DMD: variants seen among roughly 807,000 people sequenced by gnomAD.
DMD encodes the protein mutant dystrophin.
In DMD, 63 loss-of-function variants were observed where a neutral mutation model predicts 330.1. The observed-to-expected ratio is 0.19, with a 90% CI of 0.16 to 0.24. DMD has a LOEUF of 0.24. Among genes scored for constraint, DMD ranks in the 10% least tolerant of loss-of-function variants. The pLI is 1.00. For synonymous variants in DMD, 1,223 were observed against 959.8 expected, an observed-to-expected ratio of 1.27 and a Z score of -5.07; for missense variants, 3,344 against 2,684.1, an observed-to-expected ratio of 1.25 and a Z score of -5.43.
At chrX:33,309,399 A>G (rs748121218) in intron 1 of DMD, among the ~76,000 whole-genome samples, 70 of 111,154 alleles carry the variant, frequency 6.3e-4, no homozygotes, top group African/African-American at 2.2e-3. Context: ...AATTGAGTAT[A>G]TGGTTTAAGT....
At chrX:32,515,257 A>G (rs965110523) in intron 18 of DMD, among the ~76,000 whole-genome samples, 3 of 111,714 alleles carry the variant, frequency 2.7e-5, no homozygotes, top group Admixed American at 9.5e-5. Flanking sequence ...AAAGTGCAAT[A>G]GAGCAGAGAG....
rs745713798 is a variant in DMD, at chrX:31,919,121, C to G, written c.6912+10475G>C. Among the ~76,000 whole-genome samples, 8 of 111,321 alleles carry G rather than the reference C, an allele frequency of 7.2e-5. No homozygotes were observed. In the East Asian group the frequency reaches 2.3e-3, roughly 31 times the overall value. On this transcript the variant is annotated intron_variant, in intron 47 of 78. Coordinates refer to ENST00000357033, the MANE Select transcript of DMD (RefSeq NM_004006.3). ...TATTAATTTTTTTCTCTTCCTTAAC[C>G]AGCAGCTCAGTGATTCTAACATCAC... is the stretch of plus-strand genomic sequence containing the variant.
chrX:32,821,732 T>G, intron 5 of DMD, among the ~76,000 whole-genome samples: 1 of 111,960 alleles, frequency 8.9e-6, no homozygotes, highest in Non-Finnish European at 1.9e-5. Context: ...TGTATTATAT[T>G]GATATAAAAT....
In DMD at chrX:31,146,281, G is replaced by T. The variant is rs1236336592; in HGVS notation, c.10921+10C>A. 8.3e-7 allele frequency: 1 copy of T among 1,209,978 alleles called. No homozygotes were observed. The highest frequency in any genetic ancestry group is 1.1e-6 in the Non-Finnish European group (1 of 894,453). ...AGACAACAAAATCTGAGAGTAGCTA[G>T]GACACTTACCCATGGAGTCCGAAGT... On this transcript the variant is annotated intron_variant, in intron 76 of 78. Transcript: ENST00000357033.
At chrX:32,092,272 C>T (rs1361037831) in intron 44 of DMD, among the ~76,000 whole-genome samples, 1 of 111,936 alleles carries the variant, frequency 8.9e-6, no homozygotes, top group Non-Finnish European at 1.9e-5. Flanking sequence ...CACCGTAATC[C>T]GCTGGTTTAT....
chrX:32,465,489 G>T (rs181060830), intron 23 of DMD, among the ~76,000 whole-genome samples: 2 of 108,692 alleles, frequency 1.8e-5, no homozygotes, highest in East Asian at 2.9e-4. Context: ...ACTTCAAGAC[G>T]ATCACCTTGC....
chrX:33,215,609 A>T (rs2052039191), upstream of DMD, among the ~76,000 whole-genome samples: 1 of 111,550 alleles, frequency 9.0e-6, no homozygotes, highest in East Asian at 2.8e-4. Context: ...ACCAATGTAA[A>T]AAAGGGTACT....
At chrX:33,244,441 G>A (rs1030946278) in intron 1 of DMD, among the ~76,000 whole-genome samples, 5 of 111,533 alleles carry the variant, frequency 4.5e-5, no homozygotes, top group African/African-American at 1.3e-4. Context: ...ATATAAGGAT[G>A]GTATCAGGTT....
chrX:31,266,941 G>A, intron 62 of DMD: 1 of 1,136,758 alleles, frequency 8.8e-7, no homozygotes, highest in South Asian at 1.9e-5. Context: ...CAAGCTCACA[G>A]CTGAAAGCAC....
rs377555360 is a variant in DMD at position 32,729,795 on chromosome X, T to C, written c.650-30502A>G. Among the ~76,000 whole-genome samples the C allele has an allele frequency of 4.8e-4, 54 of 112,181 alleles. 1 individual carries two copies. The highest frequency in any genetic ancestry group is 1.6e-3 in the African/African-American group (49 of 30,890). On this transcript the variant is annotated intron_variant, in intron 7 of 78. Coordinates refer to ENST00000357033, the MANE Select transcript of DMD (RefSeq NM_004006.3). ...ATGTGTGTTATTCTTTTGACTTTCC[T>C]ATCAAAGTAAAAACGTTGTCTCAGC...
intron 2 of DMD, among the ~76,000 whole-genome samples, chrX:32,964,793 T>C (rs1050051214): frequency 5.3e-5 from 6 of 112,290 alleles, no homozygotes; most frequent in Non-Finnish European, 9.4e-5. Flanking sequence ...CAGTATATCA[T>C]TGTTTTGCAA....
chrX:31,635,227 A>C (rs1022723555), intron 54 of DMD, among the ~76,000 whole-genome samples: 10 of 112,006 alleles, frequency 8.9e-5, no homozygotes, highest in African/African-American at 3.2e-4. Context: ...ATAAATTCTC[A>C]ATGATTTGTA....
chrX:31,888,935 C>T (rs149818109), intron 47 of DMD, among the ~76,000 whole-genome samples: 1,368 of 112,031 alleles, frequency 0.012, 18 homozygotes, highest in African/African-American at 0.043. Flanking sequence ...ATTTTACTTA[C>T]GATGCTTATA....
chrX:31,267,391 T>G (rs1387038483), intron 62 of DMD, among the ~76,000 whole-genome samples: 1 of 112,451 alleles, frequency 8.9e-6, no homozygotes, highest in Admixed American at 9.3e-5. Context: ...GGACGTGAAA[T>G]TGCCGTTAGG....
intron 16 of DMD, among the ~76,000 whole-genome samples, chrX:32,547,102 G>C (rs1456248610): frequency 9.0e-6 from 1 of 110,771 alleles, no homozygotes; most frequent in African/African-American, 3.3e-5. Context: ...CACTTTCTTT[G>C]CATACAGTGG....
At chrX:33,051,975 T>TA (rs1159080558) in intron 1 of DMD, among the ~76,000 whole-genome samples, 1 of 111,009 alleles carries the variant, frequency 9.0e-6, no homozygotes, top group Non-Finnish European at 1.9e-5. Flanking sequence ...CTAGTGTATC[T>TA]ATGTGACTAT....
chrX:32,483,125 C>G (rs1603634558), intron 21 of DMD, among the ~76,000 whole-genome samples: 1 of 53,197 alleles, frequency 1.9e-5, no homozygotes, highest in Non-Finnish European at 3.9e-5. Context: ...TATGTAATTT[C>G]ATATGCTACA....
intron 18 of DMD, chrX:32,517,147 C>A (rs2045936813): frequency 9.0e-6 from 1 of 111,470 alleles, no homozygotes; most frequent in Admixed American, 9.5e-5. Flanking sequence ...GATTTGAATC[C>A]TGGAGAGAAA....
At chrX:31,492,766 A>C (rs1393991940) in intron 57 of DMD, among the ~76,000 whole-genome samples, 3 of 109,996 alleles carry the variant, frequency 2.7e-5, no homozygotes, top group African/African-American at 1.0e-4. Flanking sequence ...TCAGCAAACT[A>C]ACAGAGGAAC....
Sources: allele counts gnomAD v4.1 joint callset (sites outside exome capture counted in the v4.1 genomes callset), GRCh38; gene constraint gnomAD v4.1.1; transcripts MANE v1.5; gene names NCBI Gene and HGNC (gene_info 2026-07-23, HGNC 2026-07-21).